The following CABLES1 variants were observed in gnomAD, a reference collection of about 807,000 sequenced individuals.
The protein encoded by CABLES1 is CDK5 and ABL1 enzyme substrate 1.
A neutral mutation model predicts 57.8 loss-of-function variants in CABLES1; 36 were observed. That is an observed-to-expected ratio of 0.62 (90% CI 0.48 to 0.82). The LOEUF is 0.82. CABLES1 is among the 40% of genes least tolerant of loss of function. The pLI, the probability that CABLES1 is intolerant of heterozygous loss-of-function variation, is 0.00. For synonymous variants in CABLES1, 374 were observed against 363.0 expected, an observed-to-expected ratio of 1.03 and a Z score of -0.35; for missense variants, 767 against 836.6, an observed-to-expected ratio of 0.92 and a Z score of 1.03.
At chr18:23,151,104 T>C (rs1367182167) in intron 1 of CABLES1, among the ~76,000 whole-genome samples, 1 of 149,548 alleles carries the variant, frequency 6.7e-6, no homozygotes, top group Non-Finnish European at 1.5e-5. Context: ...CTGCAAGCTC[T>C]GCCTCCTGGG....
At chr18:23,178,647 G>A (rs2047142340) in intron 1 of CABLES1, among the ~76,000 whole-genome samples, 1 of 151,760 alleles carries the variant, frequency 6.6e-6, no homozygotes, top group Non-Finnish European at 1.5e-5. Flanking sequence ...CAGTGGGCAG[G>A]GTAGACTGGG....
At chr18:23,162,042 G>A (rs946824615) in intron 1 of CABLES1, among the ~76,000 whole-genome samples, 1 of 152,100 alleles carries the variant, frequency 6.6e-6, no homozygotes, top group Non-Finnish European at 1.5e-5. Flanking sequence ...TCGTGCACCT[G>A]CAATCCCAGC....
intron 4 of CABLES1, among the ~76,000 whole-genome samples, chr18:23,217,886 TGG>T (rs2047453758): frequency 6.6e-6 from 1 of 152,206 alleles, no homozygotes; most frequent in Admixed American, 6.5e-5. Context: ...TGAGGCACAG[TGG>T]GGCGAAGCTC....
chr18:23,226,593 C>G (rs995283952), intron 4 of CABLES1, among the ~76,000 whole-genome samples: 3 of 152,114 alleles, frequency 2.0e-5, no homozygotes, highest in African/African-American at 4.8e-5. Flanking sequence ...AGGCTAATCT[C>G]CACTTACTGC....
In CABLES1 at chr18:23,253,004, C is replaced by T; in HGVS notation, c.1491C>T (p.Asp497=). Reference sequence around the variant, plus strand: ...TGAAGCCCTCGGATCTCAAGAAGGACATGAACGAGACCTTCAAGGAGAAGT... The same window carrying T: ...TGAAGCCCTCGGATCTCAAGAAGGATATGAACGAGACCTTCAAGGAGAAGT... The part of the protein sequence containing the change: ...DYVKPSDLKK[D]MNETFKEKFP... The change falls in exon 8 of 10, where the codon GAC becomes GAT. Residue 497 remains aspartate (D), a synonymous_variant. Coordinates refer to ENST00000256925, the MANE Select transcript of CABLES1 (RefSeq NM_001100619.3). 6.2e-7 allele frequency: 1 copy of T among 1,613,794 alleles called. No homozygotes were observed. The highest frequency in any genetic ancestry group is 8.5e-7 in the Non-Finnish European group (1 of 1,179,734).
intron 7 of CABLES1, among the ~76,000 whole-genome samples, chr18:23,246,366 C>T (rs922734661): frequency 4.0e-5 from 6 of 151,622 alleles, no homozygotes; most frequent in African/African-American, 1.5e-4. Context: ...CATGCACTGG[C>T]AAAACCCAGG....
chr18:23,137,926 G>C lies in CABLES1; in HGVS notation c.845+1319G>C, dbSNP rs542034878. Among the ~76,000 whole-genome samples, 3 of 152,308 alleles carry C rather than the reference G, an allele frequency of 2.0e-5. No homozygotes were observed. The East Asian group carries it at 5.8e-4, about 29-fold the overall frequency. On this transcript the variant is annotated intron_variant, in intron 1 of 9. Transcript: ENST00000256925. ...TGACAGCCCTACTCCAGTATTTCTT[G>C]TCAGAGCATGCATCTCCCCCGCAGC... is the stretch of plus-strand genomic sequence containing the variant.
chr18:23,236,062 CCTGGCTGGGT>C lies in CABLES1; in HGVS notation c.1342+16_1342+25del, dbSNP rs753016183. 2 of 1,613,480 alleles carry C rather than the reference CCTGGCTGGGT, an allele frequency of 1.2e-6. No individual in the cohort carries two copies. Among genetic ancestry groups the C allele is most frequent in the South Asian group, 2.2e-5 (2 of 91,022 alleles). On this transcript the variant is annotated intron_variant, in intron 6 of 9. Transcript: ENST00000256925. ...GGAGCCTCGACACAGGTAACCTTGGCCTGGCTGGGTCTGGTAGCTCGTGGTGGGAGGGAGG... is the reference window on the plus strand; with the variant it reads ...GGAGCCTCGACACAGGTAACCTTGGCCTGGTAGCTCGTGGTGGGAGGGAGG...
chr18:23,211,249 T>C (rs1401613710), intron 3 of CABLES1, among the ~76,000 whole-genome samples: 1 of 152,260 alleles, frequency 6.6e-6, no homozygotes, highest in East Asian at 1.9e-4. Flanking sequence ...CACCTTAGCA[T>C]GAGTAGTGAG....
intron 9 of CABLES1, among the ~76,000 whole-genome samples, chr18:23,254,360 G>T (rs761226188): frequency 1.3e-5 from 2 of 152,178 alleles, no homozygotes; most frequent in Non-Finnish European, 2.9e-5. Context: ...TGACAAGGTG[G>T]TATCTCTTTT....
chr18:23,220,792 T>C (rs937577567), intron 4 of CABLES1, among the ~76,000 whole-genome samples: 2 of 152,222 alleles, frequency 1.3e-5, no homozygotes, highest in African/African-American at 4.8e-5. Context: ...CAGACTTGGA[T>C]GCTCCCAAGG....
intron 7 of CABLES1, among the ~76,000 whole-genome samples, chr18:23,237,547 G>A (rs2047634029): frequency 6.6e-6 from 1 of 152,240 alleles, no homozygotes; most frequent in Admixed American, 6.5e-5. Context: ...AAACCCCCGT[G>A]GAGAGGACCA....
chr18:23,143,386 G>C (rs1365969997), intron 1 of CABLES1, among the ~76,000 whole-genome samples: 2 of 152,212 alleles, frequency 1.3e-5, no homozygotes, highest in Non-Finnish European at 2.9e-5. Flanking sequence ...GGTACAATTA[G>C]CAACAGGAAC....
intron 1 of CABLES1, among the ~76,000 whole-genome samples, chr18:23,170,701 C>T (rs2047076011): frequency 6.6e-6 from 1 of 152,180 alleles, no homozygotes; most frequent in Admixed American, 6.5e-5. Context: ...GCTTCAGCTT[C>T]AAAGGGCGTT....
chr18:23,219,371 G>A, intron 4 of CABLES1: 1 of 453,638 alleles, frequency 2.2e-6, no homozygotes, highest in Non-Finnish European at 4.4e-6. Context: ...AATTCAGATG[G>A]CAGGATCCGA....
chr18:23,150,978 A>G (rs1212848036), intron 1 of CABLES1, among the ~76,000 whole-genome samples: 2 of 148,120 alleles, frequency 1.4e-5, no homozygotes, highest in Admixed American at 1.3e-4. Flanking sequence ...CATTGTCTTT[A>G]TTAGAAGCCG....
At chr18:23,214,443 G>A (rs929910433) in intron 4 of CABLES1, among the ~76,000 whole-genome samples, 1 of 152,090 alleles carries the variant, frequency 6.6e-6, no homozygotes, top group African/African-American at 2.4e-5. Flanking sequence ...TTGGGCTTGG[G>A]TTTGGAAACT....
intron 7 of CABLES1, among the ~76,000 whole-genome samples, chr18:23,242,363 C>G (rs2047757265): frequency 6.6e-6 from 1 of 152,164 alleles, no homozygotes; most frequent in Non-Finnish European, 1.5e-5. Context: ...AAGGTGACCA[C>G]AGAACAGAGA....
At chr18:23,237,763 T>A (rs950148922) in intron 7 of CABLES1, among the ~76,000 whole-genome samples, 1 of 152,262 alleles carries the variant, frequency 6.6e-6, no homozygotes, top group African/African-American at 2.4e-5. Context: ...TCTTCCTGTT[T>A]TTCCCTGTGT....
Sources: allele counts gnomAD v4.1 joint callset (sites outside exome capture counted in the v4.1 genomes callset), GRCh38; gene constraint gnomAD v4.1.1; transcripts MANE v1.5; gene names NCBI Gene and HGNC (gene_info 2026-07-23, HGNC 2026-07-21).